Variants in COL25A1 observed in about 807,000 individuals in gnomAD.
COL25A1 encodes collagen alpha-1(XXV) chain.
In COL25A1, 103 loss-of-function variants were observed where a neutral mutation model predicts 128.4. The observed-to-expected ratio is 0.80, with a 90% CI of 0.68 to 0.94. The LOEUF is 0.94. COL25A1 is among the 40% of genes least tolerant of loss of function. The probability of loss-of-function intolerance (pLI) is 0.00; values close to 1 mark genes in which losing one functional copy is unlikely to be tolerated. For synonymous variants in COL25A1, 279 were observed against 277.2 expected (o/e 1.01, Z -0.06); for missense variants, 745 against 840.0 (o/e 0.89, Z 1.40).
rs2113970 is a variant in COL25A1 at position 109,076,614 on chromosome 4, T to G, written c.368-26435A>C. On this transcript the variant is annotated intron_variant, in intron 3 of 37. Transcript: ENST00000399132. ...ATGGACCCAGTGGCCAGGGGTGGTTTGGGGATGATTCAAAAACATTACATT... is the reference window on the plus strand; with the variant it reads ...ATGGACCCAGTGGCCAGGGGTGGTTGGGGGATGATTCAAAAACATTACATT... Among the ~76,000 whole-genome samples, 80 of 152,154 alleles carry G rather than the reference T, an allele frequency of 5.3e-4. 1 individual carries two copies. Among genetic ancestry groups the G allele is most frequent in the African/African-American group, 1.9e-3 (77 of 41,522 alleles).
At chr4:108,935,357 T>A (rs1171306805) in intron 11 of COL25A1, among the ~76,000 whole-genome samples, 15 of 152,192 alleles carry the variant, frequency 9.9e-5, no homozygotes, top group Admixed American at 9.8e-4. Flanking sequence ...AATGTCCTTG[T>A]TCTTGATCTG....
intron 8 of COL25A1, among the ~76,000 whole-genome samples, chr4:108,960,189 C>T (rs1750527080): frequency 7.4e-6 from 1 of 135,456 alleles, no homozygotes; most frequent in Admixed American, 7.2e-5. Context: ...AAGCTCTTAA[C>T]ACAAACAGTA....
At chr4:109,122,181 G>A (rs557258452) in intron 3 of COL25A1, among the ~76,000 whole-genome samples, 134 of 152,194 alleles carry the variant, frequency 8.8e-4, no homozygotes, top group African/African-American at 3.2e-3. Context: ...CTGTTCTGTA[G>A]GATACTACAG....
chr4:108,998,516 A>T (rs59788255), intron 6 of COL25A1, among the ~76,000 whole-genome samples: 2 of 152,342 alleles, frequency 1.3e-5, no homozygotes, highest in East Asian at 3.9e-4. Flanking sequence ...GGAAGAATCA[A>T]TATCATGAAA....
chr4:108,977,701 T>C (rs1286065201), intron 6 of COL25A1, among the ~76,000 whole-genome samples: 2 of 152,200 alleles, frequency 1.3e-5, no homozygotes, highest in African/African-American at 2.4e-5. Flanking sequence ...GGAACATATA[T>C]GTTTGGGAAA....
chr4:109,279,830 C>G (rs1343680489), intron 3 of COL25A1, among the ~76,000 whole-genome samples: 44 of 152,088 alleles, frequency 2.9e-4, no homozygotes. Context: ...CTCCAGCATC[C>G]TGGAGCTTTA....
At chr4:108,875,657 C>T (rs1350320875) in intron 19 of COL25A1, among the ~76,000 whole-genome samples, 1 of 152,164 alleles carries the variant, frequency 6.6e-6, no homozygotes, top group African/African-American at 2.4e-5. Flanking sequence ...AGTGTGGCGA[C>T]TCCTCAAGGA....
chr4:109,204,451 A>AAG (rs1207200122), intron 3 of COL25A1, among the ~76,000 whole-genome samples: 2 of 152,100 alleles, frequency 1.3e-5, no homozygotes, highest in Non-Finnish European at 2.9e-5. Flanking sequence ...AATGGCCTAT[A>AAG]TAATAGGCAC....
chr4:109,211,296 A>ATATATGAAAC lies in COL25A1; in HGVS notation c.367+89286_367+89287insGTTTCATATA, dbSNP rs1560874839. Among the ~76,000 whole-genome samples the ATATATGAAAC allele has an allele frequency of 2.0e-4, 9 of 44,680 alleles. No individual in the cohort carries two copies. In the South Asian group the frequency reaches 3.1e-3, roughly 15 times the overall value. 29.3% of individuals were successfully genotyped at this position (44,680 alleles called of 152,430 possible). A position where few individuals can be genotyped will look rare whatever the true frequency, so the allele number is the denominator to read the frequency against. ...AAACTATATATATATGAAACTATAT[A>ATATATGAAAC]TATATATATATATATATATATATAT... On this transcript the variant is annotated intron_variant, in intron 3 of 37. Coordinates refer to ENST00000399132, the MANE Select transcript of COL25A1 (RefSeq NM_198721.4).
chr4:109,235,287 A>G (rs1779399052), intron 3 of COL25A1, among the ~76,000 whole-genome samples: 2 of 152,160 alleles, frequency 1.3e-5, no homozygotes, highest in South Asian at 4.1e-4. Context: ...AGAGACTGAC[A>G]AAAAATTGTA....
intron 13 of COL25A1, among the ~76,000 whole-genome samples, chr4:108,904,822 C>A (rs1396755031): frequency 6.6e-6 from 1 of 152,064 alleles, no homozygotes; most frequent in Non-Finnish European, 1.5e-5. Context: ...AGGCTATTCC[C>A]AGTATGACCA....
At chr4:109,015,216 T>A (rs753194657) in intron 5 of COL25A1, among the ~76,000 whole-genome samples, 6 of 152,266 alleles carry the variant, frequency 3.9e-5, no homozygotes, top group African/African-American at 7.2e-5. Context: ...TTTCCTTAAG[T>A]TGCTTCTGAG....
chr4:108,875,546 A>T (rs967781030), intron 19 of COL25A1, among the ~76,000 whole-genome samples: 3 of 152,206 alleles, frequency 2.0e-5, no homozygotes, highest in Non-Finnish European at 4.4e-5. Flanking sequence ...GGCAATCATT[A>T]AAAAGTCAGG....
chr4:109,133,710 C>CCATTTTAAAAT (rs1408146424), intron 3 of COL25A1, among the ~76,000 whole-genome samples: 3 of 152,090 alleles, frequency 2.0e-5, no homozygotes, highest in Non-Finnish European at 2.9e-5. Flanking sequence ...ACAAAGTAGG[C>CCATTTTAAAAT]ACTCAAAAAA....
At chr4:108,975,282 C>T (rs571257185) in intron 6 of COL25A1, among the ~76,000 whole-genome samples, 7 of 152,282 alleles carry the variant, frequency 4.6e-5, no homozygotes, top group Admixed American at 4.6e-4. Context: ...TGGTTGAAAC[C>T]ACATCTCTAC....
chr4:109,146,003 A>T (rs1770908308), intron 3 of COL25A1, among the ~76,000 whole-genome samples: 2 of 152,190 alleles, frequency 1.3e-5, no homozygotes, highest in Non-Finnish European at 2.9e-5. Context: ...ATTTCTTTCT[A>T]ATTTAAATGT....
intron 3 of COL25A1, among the ~76,000 whole-genome samples, chr4:109,185,084 T>C (rs1165551740): frequency 6.6e-6 from 1 of 152,182 alleles, no homozygotes. Flanking sequence ...TTGTTAAGGT[T>C]GAAGAAAGGC....
chr4:109,217,169 G>A (rs912369645), intron 3 of COL25A1, among the ~76,000 whole-genome samples: 4 of 152,028 alleles, frequency 2.6e-5, no homozygotes, highest in Non-Finnish European at 5.9e-5. Flanking sequence ...TCTTACCAAT[G>A]AGCTAATATT....
At chr4:109,071,432 C>A (rs1260299540) in intron 3 of COL25A1, among the ~76,000 whole-genome samples, 3 of 152,106 alleles carry the variant, frequency 2.0e-5, no homozygotes, top group East Asian at 1.9e-4. Context: ...GCAACAAAAG[C>A]CAAAATTGAC....
Sources: allele counts gnomAD v4.1 joint callset (sites outside exome capture counted in the v4.1 genomes callset), GRCh38; gene constraint gnomAD v4.1.1; transcripts MANE v1.5; gene names NCBI Gene and HGNC (gene_info 2026-07-23, HGNC 2026-07-21).